The following GRM4 variants were observed in gnomAD, a reference collection of about 807,000 sequenced individuals.
GRM4 encodes glutamate metabotropic receptor 4.
A neutral mutation model predicts 81.7 loss-of-function variants in GRM4; 28 were observed. That is an observed-to-expected ratio of 0.34 (90% CI 0.25 to 0.47). The LOEUF (loss-of-function observed/expected upper bound fraction) is 0.47. Ranked by LOEUF, GRM4 falls within the 20% of genes least tolerant of loss-of-function variation. GRM4 has a pLI of 1.00. For synonymous variants in GRM4, 488 were observed against 528.8 expected (o/e 0.92, Z 1.06); for missense variants, 948 against 1,290.0 (o/e 0.73, Z 4.06).
chr6:34,057,740 T>C (rs983963621), intron 5 of GRM4, among the ~76,000 whole-genome samples: 4 of 152,232 alleles, frequency 2.6e-5, no homozygotes, highest in African/African-American at 9.6e-5. Context: ...TCCTGGATTC[T>C]GGTCCCAACT....
rs1768122891 is a variant in GRM4, at chr6:34,090,119, G to A, written c.736+1764C>T. On this transcript the variant is annotated intron_variant, in intron 3 of 10. Coordinates refer to ENST00000538487, the MANE Select transcript of GRM4 (RefSeq NM_000841.4). This position sits in a 1 kb window ranked among gnomAD's most constrained non-coding sequence, Gnocchi z 5.2. Reference sequence around the variant, plus strand: ...GGGATGAGGCAGCATCTACCTCGTAGGGCAGGAAGGACTGCCCAGGACAGC... The same window carrying A: ...GGGATGAGGCAGCATCTACCTCGTAAGGCAGGAAGGACTGCCCAGGACAGC... Among the ~76,000 whole-genome samples the A allele has an allele frequency of 6.6e-6, 1 of 152,188 alleles. No individual in the cohort carries two copies. Among genetic ancestry groups the A allele is most frequent in the South Asian group, 2.1e-4 (1 of 4,832 alleles).
intron 6 of GRM4, chr6:34,055,219 T>C (rs1765808978): frequency 1.3e-5 from 2 of 152,220 alleles, no homozygotes; most frequent in African/African-American, 4.8e-5. Flanking sequence ...AAGCCCCACA[T>C]AAGACACAGG....
At chr6:34,056,487 C>T (rs1306685448) in intron 6 of GRM4, 57 bp downstream of exon 6, 8 of 1,489,924 alleles carry the variant, frequency 5.4e-6, no homozygotes, top group Middle Eastern at 2.2e-4. Context: ...CCCCCAGGCT[C>T]GGCCCTCCCC....
chr6:34,081,050 C>G (rs2127478304), intron 3 of GRM4, among the ~76,000 whole-genome samples: 1 of 152,276 alleles, frequency 6.6e-6, no homozygotes, highest in South Asian at 2.1e-4. Flanking sequence ...TCTGACAAGC[C>G]CACCAATGCT....
At chr6:34,124,929 G>A (rs987472720) in intron 2 of GRM4, among the ~76,000 whole-genome samples, 1 of 151,076 alleles carries the variant, frequency 6.6e-6, no homozygotes, top group Non-Finnish European at 1.5e-5. Context: ...TGGGCTCCAG[G>A]AGCCTCTCTA....
chr6:34,146,923 C>T (rs1172975542), upstream of GRM4, among the ~76,000 whole-genome samples: 2 of 152,252 alleles, frequency 1.3e-5, no homozygotes, highest in African/African-American at 4.8e-5. Flanking sequence ...CTTTTCCATG[C>T]TCCTGCCCTT....
chr6:34,035,537 A>AAAGAAGGCAAAATGAGGCAT lies in GRM4; in HGVS notation c.2442+130_2442+131insATGCCTCATTTTGCCTTCTT. The stretch of plus-strand genomic sequence containing the variant: ...GCATGAAAGAAGGCAGAATGAGGCA[A>AAAGAAGGCAAAATGAGGCAT]GAAAGAAGGCAGAATGAGGCATGAA... On this transcript the variant is annotated intron_variant, in intron 9 of 10. Transcript: ENST00000538487. The surrounding 1 kb of genome is among the most constrained non-coding windows in gnomAD (Gnocchi z 6.6). 1 of 585,048 alleles carries AAAGAAGGCAAAATGAGGCAT rather than the reference A, an allele frequency of 1.7e-6. No individual in the cohort carries two copies. Among genetic ancestry groups the AAAGAAGGCAAAATGAGGCAT allele is most frequent in the South Asian group, 2.4e-5 (1 of 42,108 alleles). The allele number at this position is 585,048 out of a possible 1,614,324, so 36.2% of individuals were successfully genotyped here.
At chr6:34,023,460 C>T (rs1236484720) in intron 10 of GRM4, among the ~76,000 whole-genome samples, 3 of 152,126 alleles carry the variant, frequency 2.0e-5, no homozygotes, top group Non-Finnish European at 2.9e-5. Context: ...CAGAGTGGGG[C>T]CGTGCATGGC....
intron 3 of GRM4, among the ~76,000 whole-genome samples, chr6:34,067,455 T>A (rs531885083): frequency 8.4e-6 from 1 of 118,724 alleles, no homozygotes; most frequent in South Asian, 3.3e-4. Flanking sequence ...CTTCCCTCCC[T>A]CCCTCCGTCC....
rs1213947192 is a variant in GRM4 at position 34,042,635 on chromosome 6, CA to C, written c.1169-1888del. ...GGGCACATGCCACACTGCACAGAGG[CA>C]ATTCCCCAGAGGGCAGCAGGGTGCA... On this transcript the variant is annotated intron_variant, in intron 6 of 10. Coordinates refer to ENST00000538487, the MANE Select transcript of GRM4 (RefSeq NM_000841.4). The surrounding 1 kb of genome is among the most constrained non-coding windows in gnomAD (Gnocchi z 4.2). Among the ~76,000 whole-genome samples, 1 of 152,224 alleles carries C rather than the reference CA, an allele frequency of 6.6e-6. No individual in the cohort carries two copies. The highest frequency in any genetic ancestry group is 2.4e-5 in the African/African-American group (1 of 41,450).
In GRM4 at chr6:34,085,071, G is replaced by A. The variant is rs1363498972; in HGVS notation, c.736+6812C>T. Among the ~76,000 whole-genome samples the A allele has an allele frequency of 2.0e-5, 3 of 152,306 alleles. 1 individual carries two copies. The highest frequency in any genetic ancestry group is 2.0e-4 in the Admixed American group (3 of 15,306). The stretch of plus-strand genomic sequence containing the variant: ...GGCCTGCAGCCTGTCTCTGTCTCAC[G>A]CTGGGGCTGGGAACGTGCCCAGGGA... On this transcript the variant is annotated intron_variant, in intron 3 of 10. Coordinates refer to ENST00000538487, the MANE Select transcript of GRM4 (RefSeq NM_000841.4).
chr6:34,062,104 C>G lies in GRM4; in HGVS notation c.737-76G>C, dbSNP rs2451362. The stretch of plus-strand genomic sequence containing the variant: ...CCCACCACTCTCCCAACATACACTC[C>G]GGGAGATGGGGGCTGGGTGCTGCCC... On this transcript the variant is annotated intron_variant, in intron 3 of 10. Coordinates refer to ENST00000538487, the MANE Select transcript of GRM4 (RefSeq NM_000841.4). 4.0e-6 allele frequency: 6 copies of G among 1,481,734 alleles called. No individual in the cohort carries two copies. In the Admixed American group the frequency reaches 5.6e-5, roughly 14 times the overall value. 91.8% of individuals were successfully genotyped at this position (1,481,734 alleles called of 1,614,324 possible).
At chr6:34,049,715 T>C (rs1039284262) in intron 6 of GRM4, among the ~76,000 whole-genome samples, 2 of 152,158 alleles carry the variant, frequency 1.3e-5, no homozygotes, top group Non-Finnish European at 2.9e-5. Flanking sequence ...CAGAGAATGC[T>C]GAAGCCATCC....
intron 6 of GRM4, 82 bp from the exon 7 acceptor site, chr6:34,040,830 G>T: frequency 8.4e-7 from 1 of 1,191,290 alleles, no homozygotes; most frequent in Non-Finnish European, 1.2e-6. Context: ...ACCACCCTCT[G>T]GCCACCTGGA....
chr6:34,153,711 C>A (rs1771092291), intron 1 of GRM4, among the ~76,000 whole-genome samples: 1 of 152,138 alleles, frequency 6.6e-6, no homozygotes, highest in Non-Finnish European at 1.5e-5. Context: ...CATGGTGAAA[C>A]CCCGTTTCTA....
In GRM4 at chr6:34,069,535, C is replaced by G. The variant is rs1766680228; in HGVS notation, c.737-7507G>C. Among the ~76,000 whole-genome samples the G allele has an allele frequency of 6.6e-6, 1 of 152,146 alleles. No individual in the cohort carries two copies. The highest frequency in any genetic ancestry group is 1.5e-5 in the Non-Finnish European group (1 of 68,010). ...ACTGCACAGAGGGCCAGGCCTAGTTCCCGTCACCTGTCACCCCTGCCCCAT... is the reference window on the plus strand; with the variant it reads ...ACTGCACAGAGGGCCAGGCCTAGTTGCCGTCACCTGTCACCCCTGCCCCAT... On this transcript the variant is annotated intron_variant, in intron 3 of 10. Coordinates refer to ENST00000538487, the MANE Select transcript of GRM4 (RefSeq NM_000841.4). This position sits in a 1 kb window ranked among gnomAD's most constrained non-coding sequence, Gnocchi z 6.4.
At chr6:34,105,063 C>T (rs776123825) in intron 2 of GRM4, among the ~76,000 whole-genome samples, 5 of 152,066 alleles carry the variant, frequency 3.3e-5, no homozygotes, top group Non-Finnish European at 7.4e-5. Flanking sequence ...CTGCCCAGTG[C>T]GTTCTCGAGT....
At chr6:34,139,912 C>T (rs544408506) in intron 1 of GRM4, among the ~76,000 whole-genome samples, 173 of 152,346 alleles carry the variant, frequency 1.1e-3, no homozygotes, top group African/African-American at 3.7e-3. Context: ...CCAGCCTCTG[C>T]TCTGGGTGGG....
chr6:34,043,926 T>A (rs2127448843), intron 6 of GRM4, among the ~76,000 whole-genome samples: 1 of 152,182 alleles, frequency 6.6e-6, no homozygotes, highest in South Asian at 2.1e-4. Context: ...ACTTCTCAGC[T>A]CCCTGTGGCC....
Sources: gnomAD v4.1 joint callset for allele counts (sites outside exome capture counted in the v4.1 genomes callset) on GRCh38, gnomAD v4.1.1 for gene constraint, Gnocchi (gnomAD v3.1) non-coding constraint, MANE v1.5 for transcripts, NCBI Gene and HGNC (gene_info 2026-07-23, HGNC 2026-07-21) for gene names.